Variants in TECR observed in about 807,000 individuals in gnomAD.
TECR encodes the protein very-long-chain enoyl-CoA reductase.
TECR carries 19 observed loss-of-function variants against 50.6 expected under a neutral mutation model. The ratio of observed to expected loss-of-function variants is 0.38; its 90% CI spans 0.26 to 0.55. The LOEUF is 0.55. Among genes scored for constraint, TECR ranks in the 20% least tolerant of loss-of-function variants. The pLI, the probability that TECR is intolerant of heterozygous loss-of-function variation, is 0.79. For missense variants in TECR, 313 were observed against 408.3 expected (o/e 0.77, Z 2.01); for synonymous variants, 168 against 163.5 (o/e 1.03, Z -0.21).
Position 14,543,896 on chromosome 19 carries a change from C to T in TECR, c.15+14185C>T, listed in dbSNP as rs1006627601. On this transcript the variant is annotated intron_variant, in intron 1 of 12. Coordinates refer to ENST00000215567, the MANE Select transcript of TECR (RefSeq NM_138501.6). ...GATTACAGGCATGCACCACCCCACA[C>T]CTGGCTTATTTTTGTATTTTTAGTA... Among the ~76,000 whole-genome samples, 4 of 151,632 alleles carry T rather than the reference C, an allele frequency of 2.6e-5. 1 individual carries two copies. The highest frequency in any genetic ancestry group is 3.9e-4 in the East Asian group (2 of 5,134).
intron 1 of TECR, among the ~76,000 whole-genome samples, chr19:14,556,504 A>G (rs540754427): frequency 6.5e-4 from 99 of 152,032 alleles, no homozygotes; most frequent in African/African-American, 2.2e-3. Flanking sequence ...TGCTATGGCT[A>G]TCTGCCCCCA....
At chr19:14,564,573 CCA>C in intron 7 of TECR, 5 of 591,606 alleles carry the variant, frequency 8.5e-6, no homozygotes, top group South Asian at 7.7e-5. Context: ...GAGCCCCGCC[CCA>C]GTTTCACCCC....
intron 7 of TECR, 123 bp from the exon 8 acceptor site, chr19:14,564,663 C>T (rs1184778375): frequency 7.4e-6 from 8 of 1,076,044 alleles, no homozygotes; most frequent in South Asian, 1.3e-5. Context: ...CCTCCCCAGC[C>T]CCGCCCCAAG....
chr19:14,530,686 C>G (rs968828631), intron 1 of TECR: 1 of 152,122 alleles, frequency 6.6e-6, no homozygotes, highest in Middle Eastern at 3.2e-3. Flanking sequence ...GTCTTAGTTC[C>G]TAGCCACTAT....
rs192451814 is a variant in TECR, at chr19:14,563,312, A to T, written c.118+55A>T. ...TGCAACCCCTTTGACCAGGGACCTT[A>T]GGGTGGGAGGGATCCCATCCTGCAC... On this transcript the variant is annotated intron_variant, in intron 3 of 12. Transcript: ENST00000215567. This position sits in a 1 kb window ranked among gnomAD's most constrained non-coding sequence, Gnocchi z 5.3. 900 of 1,490,026 alleles carry T rather than the reference A, an allele frequency of 6.0e-4. 4 individuals are homozygous for T. Among genetic ancestry groups the T allele is most frequent in the Middle Eastern group, 5.3e-3 (31 of 5,800 alleles). The allele number at this position is 1,490,026 out of a possible 1,614,324, so 92.3% of individuals were successfully genotyped here.
intron 1 of TECR, among the ~76,000 whole-genome samples, chr19:14,542,181 T>C (rs2073116415): frequency 6.6e-6 from 1 of 151,870 alleles, no homozygotes. Flanking sequence ...CCCAGGCTGG[T>C]CTCCAACTCT....
intron 1 of TECR, among the ~76,000 whole-genome samples, chr19:14,542,296 T>C (rs7255730): frequency 0.22 from 32,344 of 147,636 alleles, 3,783 homozygotes; most frequent in South Asian, 0.41. Flanking sequence ...AAAGATTCCC[T>C]ATTGGAGGGC....
At position 14,553,569 on chromosome 19, in the gene TECR, C is replaced by T. The variant is rs573164716; in HGVS notation, c.16-8956C>T. ...TGTGCAGGGTTCCTGGCAGCTGAGC[C>T]CTAGGTCTTCTCAGCCATCCTGGCA... On this transcript the variant is annotated intron_variant, in intron 1 of 12. Coordinates refer to ENST00000215567, the MANE Select transcript of TECR (RefSeq NM_138501.6). Among the ~76,000 whole-genome samples the T allele has an allele frequency of 3.9e-5, 6 of 152,216 alleles. No homozygotes were observed. In the South Asian group the frequency reaches 1.3e-3, roughly 32 times the overall value.
upstream of TECR, among the ~76,000 whole-genome samples, chr19:14,528,252 CTTTTTTT>C (rs71166752): frequency 3.0e-5 from 4 of 133,322 alleles, no homozygotes; most frequent in South Asian, 2.4e-4. Flanking sequence ...TTTCTTTTTT[CTTTTTTT>C]TTTTTTGAGA....
intron 1 of TECR, among the ~76,000 whole-genome samples, chr19:14,543,420 T>TATATA (rs1491174243): frequency 7.2e-4 from 4 of 5,518 alleles, no homozygotes; most frequent in African/African-American, 2.0e-3. Context: ...TATATATATA[T>TATATA]TTTTTTTTTT....
Position 14,563,607 on chromosome 19 carries a change from C to T in TECR, c.119-51C>T, listed in dbSNP as rs775902443. 68 of 1,608,080 alleles carry T rather than the reference C, an allele frequency of 4.2e-5. No individual in the cohort carries two copies. In the Middle Eastern group the frequency reaches 6.6e-4, roughly 16 times the overall value. On this transcript the variant is annotated intron_variant, in intron 3 of 12. Transcript: ENST00000215567. The surrounding 1 kb of genome is among the most constrained non-coding windows in gnomAD (Gnocchi z 5.3). ...CTGGCACAGTGGCTGGGCAGCGGAC[C>T]GGCTGAGCCCTGCCAGGCTGTGGGC... is the stretch of plus-strand genomic sequence containing the variant.
intron 1 of TECR, among the ~76,000 whole-genome samples, chr19:14,539,855 T>C (rs1208776645): frequency 1.3e-5 from 2 of 149,306 alleles, no homozygotes; most frequent in Admixed American, 6.8e-5. Flanking sequence ...TCGCAGCCCA[T>C]CTGGGCTTGG....
intron 1 of TECR, among the ~76,000 whole-genome samples, chr19:14,547,702 AG>A (rs1442252428): frequency 6.8e-6 from 1 of 147,346 alleles, no homozygotes; most frequent in Non-Finnish European, 1.5e-5. Flanking sequence ...TCTGTCACCC[AG>A]GTTGGAGTGC....
Position 14,529,656 on chromosome 19 carries a change from C to G in TECR, c.-41C>G. The G allele has an allele frequency of 6.2e-7, 1 of 1,613,760 alleles. No individual in the cohort carries two copies. The highest frequency in any genetic ancestry group is 8.5e-7 in the Non-Finnish European group (1 of 1,179,968). ...GCCTGTGCTGTGCCGCGCAGTTAGG[C>G]AGCAGCAGCCGCGGAGCAGTAGCCG... is the stretch of plus-strand genomic sequence containing the variant. On this transcript the variant is annotated 5_prime_UTR_variant, in exon 1 of 13. Transcript: ENST00000215567.
At position 14,563,167 on chromosome 19, in the gene TECR, C is replaced by T. The variant is rs755629224; in HGVS notation, c.67-39C>T. The T allele has an allele frequency of 6.8e-6, 11 of 1,613,746 alleles. No individual in the cohort carries two copies. In the African/African-American group the frequency reaches 1.1e-4, roughly 16 times the overall value. On this transcript the variant is annotated intron_variant, in intron 2 of 12. Transcript: ENST00000215567. This position sits in a 1 kb window ranked among gnomAD's most constrained non-coding sequence, Gnocchi z 5.3. ...ACCTCCCCATCCTGAGTCTGGGCTCCCCGCAGAGCTGACGTCCCTGCGCCT... is the reference window on the plus strand; with the variant it reads ...ACCTCCCCATCCTGAGTCTGGGCTCTCCGCAGAGCTGACGTCCCTGCGCCT...
chr19:14,527,818 CAA>C (rs1231383153), upstream of TECR: 3 of 152,190 alleles, frequency 2.0e-5, no homozygotes, highest in Non-Finnish European at 2.9e-5. Flanking sequence ...GATCTGGAAA[CAA>C]GAGTAAGGAG....
chr19:14,556,406 C>T (rs908151814), intron 1 of TECR, among the ~76,000 whole-genome samples: 1 of 60,198 alleles, frequency 1.7e-5, no homozygotes, highest in Non-Finnish European at 3.5e-5. Context: ...GCGAGACTCT[C>T]TCAAAAAAAA....
At chr19:14,535,223 AT>A (rs1289980947) in intron 1 of TECR, among the ~76,000 whole-genome samples, 3 of 150,270 alleles carry the variant, frequency 2.0e-5, no homozygotes, top group Non-Finnish European at 4.4e-5. Context: ...AAATATAAAA[AT>A]TGGCCGGGTG....
chr19:14,562,676 C>G, intron 2 of TECR, 101 bp downstream of exon 2: 1 of 1,344,670 alleles, frequency 7.4e-7, no homozygotes, highest in Non-Finnish European at 1.1e-6. Context: ...TGTGCCCCAC[C>G]CCCTGCCCTA....
Sources: allele counts gnomAD v4.1 joint callset (sites outside exome capture counted in the v4.1 genomes callset), GRCh38; gene constraint gnomAD v4.1.1; non-coding constraint Gnocchi (gnomAD v3.1); transcripts MANE v1.5; gene names NCBI Gene and HGNC (gene_info 2026-07-23, HGNC 2026-07-21).